ZDHHC15: variants seen among roughly 807,000 people sequenced by gnomAD.
ZDHHC15 encodes palmitoyltransferase ZDHHC15.
A neutral mutation model predicts 31.7 loss-of-function variants in ZDHHC15; 19 were observed. The observed-to-expected ratio is 0.60, with a 90% confidence interval of 0.42 to 0.88. ZDHHC15 has a LOEUF of 0.88. ZDHHC15 is among the 40% of genes least tolerant of loss of function. ZDHHC15 has a pLI of 0.00. For missense variants in ZDHHC15, 209 were observed against 251.2 expected, an observed-to-expected ratio of 0.83 and a Z score of 1.14; for synonymous variants, 103 against 90.0, an observed-to-expected ratio of 1.14 and a Z score of -0.82.
At chrX:75,427,434 T>C (rs1310919479) in intron 7 of ZDHHC15, among the ~76,000 whole-genome samples, 1 of 111,956 alleles carries the variant, frequency 8.9e-6, no homozygotes, top group Non-Finnish European at 1.9e-5. Flanking sequence ...CTGGCTGGCA[T>C]TGTGACATTT....
intron 11 of ZDHHC15, 134 bp downstream of exon 11, chrX:75,378,986 C>T: frequency 2.2e-6 from 1 of 452,890 alleles, no homozygotes; most frequent in Admixed American, 4.2e-5. Context: ...TCTGCTTATG[C>T]ATGCATTACA....
chrX:75,416,042 T>A (rs2065489277), intron 10 of ZDHHC15, among the ~76,000 whole-genome samples: 2 of 112,386 alleles, frequency 1.8e-5, no homozygotes, highest in South Asian at 7.4e-4. Flanking sequence ...CAGGTCAAAA[T>A]ATAGTCAATT....
chrX:75,497,595 C>G (rs1442515071), intron 2 of ZDHHC15, among the ~76,000 whole-genome samples: 1 of 111,515 alleles, frequency 9.0e-6, no homozygotes, highest in Non-Finnish European at 1.9e-5. Flanking sequence ...TACTAGCTAA[C>G]CGAATCCAAT....
chrX:75,517,161 T>G lies in ZDHHC15; in HGVS notation c.136+5728A>C, dbSNP rs185989711. Among the ~76,000 whole-genome samples, 92 of 111,843 alleles carry G rather than the reference T, an allele frequency of 8.2e-4. 1 individual carries two copies. The highest frequency in any genetic ancestry group is 2.5e-3 in the African/African-American group (77 of 30,768). On this transcript the variant is annotated intron_variant, in intron 1 of 11. Transcript: ENST00000373367. The stretch of plus-strand genomic sequence containing the variant: ...GTGGGAGTGTAAACTAGTTCAACCA[T>G]TGTGGCAGACAGTGTGGTGATTCCT...
At chrX:75,392,456 T>C (rs1011686556) in intron 10 of ZDHHC15, among the ~76,000 whole-genome samples, 8 of 112,088 alleles carry the variant, frequency 7.1e-5, no homozygotes, top group African/African-American at 2.6e-4. Flanking sequence ...CCAGGATCAA[T>C]ACTTTGTATT....
intron 4 of ZDHHC15, among the ~76,000 whole-genome samples, chrX:75,438,066 C>A (rs994621018): frequency 1.8e-5 from 2 of 111,997 alleles, no homozygotes; most frequent in African/African-American, 3.2e-5. Context: ...ATGCAAATCA[C>A]AACCACAATG....
chrX:75,432,434 T>C lies in ZDHHC15; in HGVS notation c.380-914A>G, dbSNP rs747479110. Among the ~76,000 whole-genome samples the C allele has an allele frequency of 2.7e-5, 3 of 112,294 alleles. No individual in the cohort carries two copies. The South Asian group carries it at 1.1e-3, about 41-fold the overall frequency. On this transcript the variant is annotated intron_variant, in intron 4 of 11. Transcript: ENST00000373367. The stretch of plus-strand genomic sequence containing the variant: ...ACAGTTAATTCAGCAGAGATTTGTG[T>C]TTACTTCCACTAATGGAAGTATGTG...
chrX:75,386,228 A>AT (rs2083177910), intron 10 of ZDHHC15, among the ~76,000 whole-genome samples: 2 of 111,398 alleles, frequency 1.8e-5, no homozygotes, highest in Admixed American at 9.5e-5. Flanking sequence ...TGATGTCAGT[A>AT]TTTTTTCAGG....
At chrX:75,446,227 C>A (rs916444895) in intron 4 of ZDHHC15, among the ~76,000 whole-genome samples, 1 of 111,661 alleles carries the variant, frequency 9.0e-6, no homozygotes, top group East Asian at 2.8e-4. Flanking sequence ...TTTAATGTTG[C>A]AGCTCAGGGA....
intron 10 of ZDHHC15, among the ~76,000 whole-genome samples, chrX:75,414,074 G>A (rs1407450604): frequency 8.9e-6 from 1 of 111,865 alleles, no homozygotes; most frequent in Non-Finnish European, 1.9e-5. Context: ...ATGAGCAAAA[G>A]TGGTAATATA....
At chrX:75,410,307 T>A (rs1188105660) in intron 10 of ZDHHC15, among the ~76,000 whole-genome samples, 1 of 108,087 alleles carries the variant, frequency 9.3e-6, no homozygotes, top group Non-Finnish European at 1.9e-5. Flanking sequence ...TTGCAAACTA[T>A]CCATCTGACA....
intron 10 of ZDHHC15, among the ~76,000 whole-genome samples, chrX:75,390,788 T>C (rs751465526): frequency 9.0e-6 from 1 of 111,272 alleles, no homozygotes; most frequent in East Asian, 2.9e-4. Context: ...ACAATAAATA[T>C]CTAACTCTTC....
intron 10 of ZDHHC15, chrX:75,384,558 T>A: frequency 1.3e-6 from 1 of 796,444 alleles, no homozygotes; most frequent in Non-Finnish European, 1.9e-6. Flanking sequence ...CCCAGCATAC[T>A]GTTGGCATTG....
At chrX:75,483,888 T>C (rs527875575) in intron 2 of ZDHHC15, among the ~76,000 whole-genome samples, 8 of 111,378 alleles carry the variant, frequency 7.2e-5, no homozygotes, top group Non-Finnish European at 1.1e-4. Flanking sequence ...TGGGTACGGA[T>C]TTGTAAGCTA....
At chrX:75,506,197 T>C (rs1224643348) in intron 1 of ZDHHC15, among the ~76,000 whole-genome samples, 1 of 111,962 alleles carries the variant, frequency 8.9e-6, no homozygotes, top group Non-Finnish European at 1.9e-5. Context: ...TGCTTTCTTT[T>C]TTTTATTATT....
chrX:75,496,183 C>T (rs778135843), intron 2 of ZDHHC15, among the ~76,000 whole-genome samples: 1 of 110,614 alleles, frequency 9.0e-6, no homozygotes, highest in Non-Finnish European at 1.9e-5. Flanking sequence ...CAATGGAAAC[C>T]AAAAGTGAAC....
intron 10 of ZDHHC15, among the ~76,000 whole-genome samples, chrX:75,397,199 T>C (rs751168406): frequency 4.6e-4 from 51 of 109,959 alleles, no homozygotes; most frequent in Non-Finnish European, 4.7e-4. Context: ...TGGTTGTGCA[T>C]GCCTGTAATC....
chrX:75,424,330 A>T (rs949009470), intron 8 of ZDHHC15, among the ~76,000 whole-genome samples: 2 of 110,666 alleles, frequency 1.8e-5, no homozygotes, highest in African/African-American at 6.6e-5. Flanking sequence ...TTCTTTCTTT[A>T]ATTTCCTCAT....
intron 3 of ZDHHC15, among the ~76,000 whole-genome samples, chrX:75,463,551 C>G (rs929077877): frequency 1.1e-5 from 1 of 94,177 alleles, no homozygotes; most frequent in Non-Finnish European, 2.1e-5. Flanking sequence ...GGCTAATATC[C>G]AGAATCTATA....
Sources: gnomAD v4.1 joint callset for allele counts (sites outside exome capture counted in the v4.1 genomes callset) on GRCh38, gnomAD v4.1.1 for gene constraint, MANE v1.5 for transcripts, NCBI Gene and HGNC (gene_info 2026-07-23, HGNC 2026-07-21) for gene names.